The following HLTF variants were observed in gnomAD, a reference collection of about 807,000 sequenced individuals.
HLTF encodes DNA-dependent ATPase/E3 ubiquitin-protein ligase HLTF.
In HLTF, 127 loss-of-function variants were observed where a neutral mutation model predicts 129.4. The observed-to-expected ratio is 0.98, with a 90% CI of 0.85 to 1.14. HLTF has a LOEUF of 1.14. HLTF is among the 50% of genes most tolerant of loss of function. The probability of loss-of-function intolerance (pLI) is 0.00; values close to 1 mark genes in which losing one functional copy is unlikely to be tolerated. For missense variants in HLTF, 1,139 were observed against 1,187.1 expected (o/e 0.96, Z 0.60); for synonymous variants, 332 against 388.8 (o/e 0.85, Z 1.72).
chr3:149,051,987 C>G (rs1377993854), intron 14 of HLTF: 1 of 152,052 alleles, frequency 6.6e-6, no homozygotes, highest in East Asian at 1.9e-4. Flanking sequence ...AACCCCATCT[C>G]TACTAAAAAA....
Position 149,038,974 on chromosome 3 carries a change from T to C in HLTF, c.2796+75A>G, listed in dbSNP as rs73164909. ...ACAGTTAATTATAACTATGAAGGTATTTACCAAATAGTTTTTTGTCTTATT... is the reference window on the plus strand; with the variant it reads ...ACAGTTAATTATAACTATGAAGGTACTTACCAAATAGTTTTTTGTCTTATT... On this transcript the variant is annotated intron_variant, in intron 23 of 24. Transcript: ENST00000310053. 5.2e-3 allele frequency: 4,378 copies of C among 846,324 alleles called. 19 individuals carry two copies. Among genetic ancestry groups the C allele is most frequent in the Non-Finnish European group, 6.9e-3 (3,939 of 566,994 alleles). The allele number at this position is 846,324 out of a possible 1,614,324, so 52.4% of individuals were successfully genotyped here.
intron 18 of HLTF, among the ~76,000 whole-genome samples, chr3:149,044,268 AAAG>A (rs1206121689): frequency 6.6e-6 from 1 of 152,184 alleles, no homozygotes; most frequent in Non-Finnish European, 1.5e-5. Context: ...AGCCTATTAA[AAAG>A]AATACTTTAA....
chr3:149,084,834 G>T lies in HLTF; in HGVS notation c.76C>A (p.Pro26Thr). The change falls in exon 2 of 25, where the codon CCA becomes ACA. Residue 26 changes from proline (P) to threonine (T), a missense_variant. Coordinates refer to ENST00000310053, the MANE Select transcript of HLTF (RefSeq NM_003071.4). ...TVQYGVHGNF[P>T]RLSYPTFFPR... ...AAGAAAGTTGGATATGAGAGGCGTG[G>T]AAAATTTCCATGAACTCCATACTGG... is the stretch of plus-strand genomic sequence containing the variant. 1 of 1,614,032 alleles carries T rather than the reference G, an allele frequency of 6.2e-7. No homozygotes were observed. The highest frequency in any genetic ancestry group is 8.5e-7 in the Non-Finnish European group (1 of 1,179,980).
intron 13 of HLTF, among the ~76,000 whole-genome samples, chr3:149,055,743 C>A (rs1440071631): frequency 1.3e-5 from 2 of 152,204 alleles, no homozygotes; most frequent in Non-Finnish European, 2.9e-5. Flanking sequence ...GCCAAGATGG[C>A]CCTCAATGAT....
chr3:149,040,204 A>G, intron 20 of HLTF, 48 bp from the exon 21 acceptor site: 1 of 1,543,204 alleles, frequency 6.5e-7, no homozygotes, highest in South Asian at 1.2e-5. Flanking sequence ...AGAAGAACAA[A>G]TATAAATATG....
rs1714949642 is a variant in HLTF at position 149,030,787 on chromosome 3, A to G, written c.*1433T>C. On this transcript the variant is annotated 3_prime_UTR_variant, in exon 25 of 25. Coordinates refer to ENST00000310053, the MANE Select transcript of HLTF (RefSeq NM_003071.4). ...GCTACTGCCTCAAAAAGGGACCAGG[A>G]AGATTCTAGCTGGCTAATTCACTGT... The G allele has an allele frequency of 6.6e-6, 1 of 152,222 alleles. No homozygotes were observed. Among genetic ancestry groups the G allele is most frequent in the African/African-American group, 2.4e-5 (1 of 41,452 alleles). The allele number at this position is 152,222 out of a possible 1,614,324, so 9.4% of individuals were successfully genotyped here. A position where few individuals can be genotyped will look rare whatever the true frequency, so the allele number is the denominator to read the frequency against.
At chr3:149,034,289 T>C (rs1715383096) in intron 24 of HLTF, among the ~76,000 whole-genome samples, 1 of 152,208 alleles carries the variant, frequency 6.6e-6, no homozygotes, top group African/African-American at 2.4e-5. Flanking sequence ...GATTTATATA[T>C]AATAATGCTC....
At chr3:149,049,897 C>T (rs1716839223) in intron 15 of HLTF, among the ~76,000 whole-genome samples, 1 of 151,532 alleles carries the variant, frequency 6.6e-6, no homozygotes, top group East Asian at 2.0e-4. Flanking sequence ...GAGGCTGAGG[C>T]AGGAGAATCA....
At chr3:149,074,448 C>A in intron 3 of HLTF, 100 bp from the exon 4 acceptor site, 3 of 1,148,046 alleles carry the variant, frequency 2.6e-6, no homozygotes, top group East Asian at 2.4e-5. Flanking sequence ...TTACATTTTA[C>A]ATTGAAGTAA....
Position 149,046,116 on chromosome 3 carries a change from T to C in HLTF, c.2036A>G (p.Gln679Arg). 1 of 1,611,306 alleles carries C rather than the reference T, an allele frequency of 6.2e-7. No homozygotes were observed. Among genetic ancestry groups the C allele is most frequent in the Non-Finnish European group, 8.5e-7 (1 of 1,178,740 alleles). The change falls in exon 18 of 25, where the codon CAG becomes CGG. Residue 679 changes from glutamine (Q) to arginine (R), a missense_variant. Gln to Arg is a conservative substitution (Grantham distance 43, BLOSUM62 1). Transcript: ENST00000310053. ...TLSDEERKIY[Q>R]SVKNEGRATI... is the part of the protein sequence containing the mutation. ...GGCTCTGCCTTCATTTTTCACAGAC[T>C]GATAAATCTTTCTCTCTTCATCTGA...
intron 23 of HLTF, among the ~76,000 whole-genome samples, chr3:149,037,053 C>T (rs1283309514): frequency 1.3e-5 from 2 of 152,124 alleles, no homozygotes; most frequent in Non-Finnish European, 2.9e-5. Context: ...TAAAAATCAG[C>T]TTCTAGAATT....
rs779865021 is a variant in HLTF, at chr3:149,074,360, G to C, written c.396-12C>G. ...CAAAAGGAACTACCCTATTATATTTGGGAGAAAAAGAAAGGGAAATCAGAA... is the reference window on the plus strand; with the variant it reads ...CAAAAGGAACTACCCTATTATATTTCGGAGAAAAAGAAAGGGAAATCAGAA... On this transcript the variant is annotated splice_polypyrimidine_tract_variant and intron_variant, in intron 3 of 24. Transcript: ENST00000310053. 8 of 1,582,828 alleles carry C rather than the reference G, an allele frequency of 5.1e-6. No individual in the cohort carries two copies.
chr3:149,034,923 T>A lies in HLTF; in HGVS notation c.2872A>T (p.Thr958Ser), dbSNP rs1559851665. ...TAGTTTGTTTAAAAACTCACTTTTGTGATGATAACTTCTTGCTTCTGACCA... is the reference window on the plus strand; with the variant it reads ...TAGTTTGTTTAAAAACTCACTTTTGAGATGATAACTTCTTGCTTCTGACCA... ...RLGQKQEVII[T>S]KFIVKDSVEE... is the part of the protein sequence containing the mutation. Residue 958 changes from threonine to serine, a missense_variant, in exon 24 of 25, where the codon ACA becomes TCA. By Grantham distance (58) the Thr-to-Ser change is moderately conservative. Coordinates refer to ENST00000310053, the MANE Select transcript of HLTF (RefSeq NM_003071.4). 1 of 1,610,294 alleles carries A rather than the reference T, an allele frequency of 6.2e-7. No individual in the cohort carries two copies.
intron 16 of HLTF, among the ~76,000 whole-genome samples, chr3:149,048,460 C>T (rs960975302): frequency 6.6e-6 from 1 of 152,154 alleles, no homozygotes; most frequent in Admixed American, 6.5e-5. Context: ...TTTAAAGCAG[C>T]AGCACTAGCA....
chr3:149,064,601 C>A (rs1718201936), intron 9 of HLTF, among the ~76,000 whole-genome samples, 190 bp downstream of exon 9: 1 of 152,110 alleles, frequency 6.6e-6, no homozygotes, highest in South Asian at 2.1e-4. Context: ...TCAATCATCT[C>A]CTTCATGAAA....
chr3:149,043,074 C>A (rs1188441080), intron 18 of HLTF, among the ~76,000 whole-genome samples: 1 of 151,468 alleles, frequency 6.6e-6, no homozygotes, highest in African/African-American at 2.4e-5. Context: ...CAATTTAACA[C>A]CACTCAATAA....
At position 149,034,915 on chromosome 3, in the gene HLTF, C is replaced by A. The variant is rs769280307; in HGVS notation, c.2877+3G>T. 2 of 1,603,784 alleles carry A rather than the reference C, an allele frequency of 1.2e-6. No individual in the cohort carries two copies. The highest frequency in any genetic ancestry group is 1.7e-6 in the Non-Finnish European group (2 of 1,170,596). ...TCTTAAAATAGTTTGTTTAAAAACT[C>A]ACTTTTGTGATGATAACTTCTTGCT... is the stretch of plus-strand genomic sequence containing the variant. On this transcript the variant is annotated splice_donor_region_variant and intron_variant, in intron 24 of 24. Coordinates refer to ENST00000310053, the MANE Select transcript of HLTF (RefSeq NM_003071.4).
intron 2 of HLTF, among the ~76,000 whole-genome samples, chr3:149,076,679 T>C (rs535255421): frequency 6.7e-4 from 102 of 152,332 alleles, no homozygotes; most frequent in African/African-American, 2.3e-3. Flanking sequence ...GATTCTACTT[T>C]ATTAAAAACT....
intron 4 of HLTF, 34 bp downstream of exon 4, chr3:149,074,181 A>T: frequency 6.3e-7 from 1 of 1,584,038 alleles, no homozygotes; most frequent in Non-Finnish European, 8.6e-7. Context: ...ATCTTACAAT[A>T]TCAGAATAAT....
Sources: gnomAD v4.1 joint callset for allele counts (sites outside exome capture counted in the v4.1 genomes callset) on GRCh38, gnomAD v4.1.1 for gene constraint, MANE v1.5 for transcripts, NCBI Gene and HGNC (gene_info 2026-07-23, HGNC 2026-07-21) for gene names.